The following RAB2B variants were observed in gnomAD, a reference collection of about 807,000 sequenced individuals.
The protein encoded by RAB2B is RAB2B, member RAS oncogene family.
RAB2B carries 20 observed loss-of-function variants against 29.8 expected under a neutral mutation model. That is an observed-to-expected ratio of 0.67 (90% CI 0.47 to 0.97). The LOEUF is 0.97. RAB2B is among the 50% of genes least tolerant of loss of function. RAB2B has a pLI of 0.00. For synonymous variants in RAB2B, 93 were observed against 91.7 expected (o/e 1.01, Z -0.08); for missense variants, 218 against 272.0 (o/e 0.80, Z 1.40).
chr14:21,471,615 CAA>C (rs71419137), intron 3 of RAB2B, among the ~76,000 whole-genome samples: 4 of 64,346 alleles, frequency 6.2e-5, no homozygotes, highest in Non-Finnish European at 1.2e-4. Flanking sequence ...AAGACCCTGT[CAA>C]AAAAAAAAAA....
At chr14:21,467,359 A>G (rs755156304) in intron 5 of RAB2B, among the ~76,000 whole-genome samples, 1 of 152,126 alleles carries the variant, frequency 6.6e-6, no homozygotes, top group Non-Finnish European at 1.5e-5. Flanking sequence ...AGGTCTCACT[A>G]TGTTGCCCAG....
At chr14:21,468,478 C>T (rs754999486) in intron 4 of RAB2B, 29 bp from the exon 5 acceptor site, 1 of 1,596,948 alleles carries the variant, frequency 6.3e-7, no homozygotes, top group Admixed American at 1.7e-5. Context: ...GAATGTGGGT[C>T]AGAGACACAT....
Position 21,476,862 on chromosome 14 carries a change from G to A in RAB2B, c.11C>T (p.Ala4Val). ...GATGATGATATACTTGAAGAGATAA[G>A]CATAAGTCATGGTGTCGCGTCCTCT... MTYAYLFKYIIIGD... is the reference protein window; with the variant it reads MTYVYLFKYIIIGD... Residue 4 changes from alanine to valine, a missense_variant, in exon 1 of 8, where the codon GCT becomes GTT. Ala to Val is a moderately conservative substitution (Grantham distance 64). Coordinates refer to ENST00000397762, the MANE Select transcript of RAB2B (RefSeq NM_032846.4). 2 of 1,613,470 alleles carry A rather than the reference G, an allele frequency of 1.2e-6. No homozygotes were observed. The highest frequency in any genetic ancestry group is 1.7e-6 in the Non-Finnish European group (2 of 1,180,016).
In RAB2B at chr14:21,460,208, A is replaced by G. The variant is rs753971099; in HGVS notation, c.*988T>C. On this transcript the variant is annotated 3_prime_UTR_variant, in exon 8 of 8. Coordinates refer to ENST00000397762, the MANE Select transcript of RAB2B (RefSeq NM_032846.4). ...GCAGAGGATCTATCAACCAAAGGCC[A>G]ACTAGATCTAGGTAATTGCAAGTGT... 3 of 519,016 alleles carry G rather than the reference A, an allele frequency of 5.8e-6. No homozygotes were observed. In the East Asian group the frequency reaches 1.6e-4, roughly 28 times the overall value. The allele number at this position is 519,016 out of a possible 1,614,324, so 32.2% of individuals were successfully genotyped here. A position where few individuals can be genotyped will look rare whatever the true frequency, so the allele number is the denominator to read the frequency against.
At chr14:21,471,732 G>C (rs1330578389) in intron 3 of RAB2B, among the ~76,000 whole-genome samples, 6 of 148,166 alleles carry the variant, frequency 4.0e-5, no homozygotes, top group Non-Finnish European at 8.9e-5. Context: ...CTGGAGTGCA[G>C]TGGCATGATC....
rs1046452237 is a variant in RAB2B, at chr14:21,459,056, A to G, written c.*2140T>C. The G allele has an allele frequency of 1.3e-5, 2 of 152,650 alleles. No individual in the cohort carries two copies. The highest frequency in any genetic ancestry group is 2.9e-5 in the Non-Finnish European group (2 of 68,042). The allele number at this position is 152,650 out of a possible 1,614,324, so 9.5% of individuals were successfully genotyped here. A position where few individuals can be genotyped will look rare whatever the true frequency, so the allele number is the denominator to read the frequency against. ...CATGCATATATTTAATAATGAAACA[A>G]TTCATCAACAGCAAAAAGAAAGTAG... On this transcript the variant is annotated 3_prime_UTR_variant, in exon 8 of 8. Coordinates refer to ENST00000397762, the MANE Select transcript of RAB2B (RefSeq NM_032846.4).
intron 3 of RAB2B, among the ~76,000 whole-genome samples, chr14:21,471,670 GT>G (rs1384877241): frequency 9.2e-6 from 1 of 109,078 alleles, no homozygotes; most frequent in African/African-American, 3.0e-5. Context: ...TAAGATGAAG[GT>G]TTTTTTTTCC....
At chr14:21,461,856 C>T (rs1006081164) in intron 7 of RAB2B, among the ~76,000 whole-genome samples, 10 of 152,076 alleles carry the variant, frequency 6.6e-5, no homozygotes, top group African/African-American at 1.9e-4. Context: ...AAGCATGAGC[C>T]GCCACACCTG....
intron 5 of RAB2B, among the ~76,000 whole-genome samples, chr14:21,466,536 G>A (rs2139597836): frequency 1.3e-5 from 2 of 152,172 alleles, no homozygotes; most frequent in East Asian, 3.9e-4. Context: ...CAATTAGCCT[G>A]TGGCCACAGT....
chr14:21,469,409 C>T (rs530867490), intron 3 of RAB2B, among the ~76,000 whole-genome samples: 13 of 152,150 alleles, frequency 8.5e-5, no homozygotes, highest in Non-Finnish European at 1.6e-4. Context: ...ATAGGAATAA[C>T]AAACAGAGAA....
At chr14:21,462,883 TCC>T (rs1220929644) in intron 6 of RAB2B, among the ~76,000 whole-genome samples, 26 of 145,218 alleles carry the variant, frequency 1.8e-4, no homozygotes, top group Non-Finnish European at 3.0e-4. Flanking sequence ...ACATAGAAGG[TCC>T]CCCAAATGTC....
Position 21,463,699 on chromosome 14 carries a change from A to G in RAB2B, c.431T>C (p.Ile144Thr), listed in dbSNP as rs376962028. ...GEAFAREHGL[I>T]FMETSAKTAC... is the part of the protein sequence containing the mutation. ...TGTTTTGGCTGAAGTTTCCATGAAT[A>G]TAAGTCCATGCTCCCTAGCAAAGGC... The change falls in exon 6 of 8, where the codon ATA becomes ACA. Residue 144 changes from isoleucine (I) to threonine (T), a missense_variant. Coordinates refer to ENST00000397762, the MANE Select transcript of RAB2B (RefSeq NM_032846.4). 107 of 1,614,006 alleles carry G rather than the reference A, an allele frequency of 6.6e-5. No homozygotes were observed. Among genetic ancestry groups the G allele is most frequent in the Admixed American group, 1.3e-4 (8 of 59,994 alleles).
At chr14:21,468,324 T>C in intron 5 of RAB2B, 33 bp downstream of exon 5, 1 of 1,517,150 alleles carries the variant, frequency 6.6e-7, no homozygotes, top group South Asian at 1.1e-5. Flanking sequence ...AGATGACTCC[T>C]GTTAACTATT....
chr14:21,475,020 T>C lies in RAB2B; in HGVS notation c.119-86A>G, dbSNP rs1016211510. 6.0e-6 allele frequency: 6 copies of C among 1,008,244 alleles called. No individual in the cohort carries two copies. In the African/African-American group the frequency reaches 6.3e-5, roughly 11 times the overall value. The allele number at this position is 1,008,244 out of a possible 1,614,324, so 62.5% of individuals were successfully genotyped here. ...GAGGTTCCTGCCTTTCCTCAATGTG[T>C]TATAACCATCCTTTGTCTGAACTCA... On this transcript the variant is annotated intron_variant, in intron 2 of 7. Transcript: ENST00000397762.
intron 5 of RAB2B, among the ~76,000 whole-genome samples, chr14:21,465,666 T>A (rs1258326526): frequency 6.6e-6 from 1 of 152,176 alleles, no homozygotes; most frequent in Non-Finnish European, 1.5e-5. Flanking sequence ...TCAGGTGTAT[T>A]TATTTATTAT....
intron 5 of RAB2B, among the ~76,000 whole-genome samples, chr14:21,465,996 C>CTTT (rs1890677493): frequency 6.6e-6 from 1 of 152,210 alleles, no homozygotes; most frequent in Admixed American, 6.5e-5. Context: ...AGTAGGTACC[C>CTTT]TGTTATTCTT....
At position 21,476,954 on chromosome 14, in the gene RAB2B, A is replaced by G; in HGVS notation, c.-82T>C. On this transcript the variant is annotated 5_prime_UTR_variant, in exon 1 of 8. Transcript: ENST00000397762. ...ACCTCTCTAGCCACTCAATCTACCG[A>G]TCTTCTTCTTCTCCCCCTTCCCCCC... 1 of 1,468,116 alleles carries G rather than the reference A, an allele frequency of 6.8e-7. No individual in the cohort carries two copies. Among genetic ancestry groups the G allele is most frequent in the South Asian group, 1.1e-5 (1 of 87,778 alleles). The allele number at this position is 1,468,116 out of a possible 1,614,324, so 90.9% of individuals were successfully genotyped here.
In RAB2B at chr14:21,468,752, C is replaced by A; in HGVS notation, c.187G>T (p.Ala63Ser). 1 of 1,525,220 alleles carries A rather than the reference C, an allele frequency of 6.6e-7. No individual in the cohort carries two copies. Among genetic ancestry groups the A allele is most frequent in the Non-Finnish European group, 8.8e-7 (1 of 1,136,914 alleles). 94.5% of individuals were successfully genotyped at this position (1,525,220 alleles called of 1,614,324 possible). ...KQIKLQIWDT[A>S]GQESFRSITR... ...ATAGAACGGAAGGATTCTTGCCCAG[C>A]CTTTCCCACCAACATGGCAACAAAA... Residue 63 changes from alanine (A) to serine (S), a missense_variant and splice_region_variant, in exon 4 of 8, where the codon GCT becomes TCT. Physicochemically the swap from Ala to Ser is moderately conservative, Grantham distance 99. Coordinates refer to ENST00000397762, the MANE Select transcript of RAB2B (RefSeq NM_032846.4).
chr14:21,476,948 CT>C lies in RAB2B; in HGVS notation c.-77del. ...CCTCCGACCTCTCTAGCCACTCAAT[CT>C]ACCGATCTTCTTCTTCTCCCCCTTC... On this transcript the variant is annotated 5_prime_UTR_variant, in exon 1 of 8. Transcript: ENST00000397762. 1 of 1,503,172 alleles carries C rather than the reference CT, an allele frequency of 6.7e-7. No individual in the cohort carries two copies. The highest frequency in any genetic ancestry group is 9.2e-7 in the Non-Finnish European group (1 of 1,083,454). The allele number at this position is 1,503,172 out of a possible 1,614,324, so 93.1% of individuals were successfully genotyped here.
Sources: gnomAD v4.1 joint callset for allele counts (sites outside exome capture counted in the v4.1 genomes callset) on GRCh38, gnomAD v4.1.1 for gene constraint, MANE v1.5 for transcripts, NCBI Gene and HGNC (gene_info 2026-07-23, HGNC 2026-07-21) for gene names.